The following KHDRBS2 variants were observed in gnomAD, a reference collection of about 807,000 sequenced individuals.
KHDRBS2 encodes the protein KH RNA binding domain containing, signal transduction associated 2.
KHDRBS2 carries 26 observed loss-of-function variants against 44.3 expected under a neutral mutation model. The ratio of observed to expected loss-of-function variants is 0.59; its 90% CI spans 0.43 to 0.81. The LOEUF (loss-of-function observed/expected upper bound fraction) is 0.81, where lower values mean the gene tolerates loss of function less well. KHDRBS2 is among the 40% of genes least tolerant of loss of function. The pLI, the probability that KHDRBS2 is intolerant of heterozygous loss-of-function variation, is 0.00. For synonymous variants in KHDRBS2, 194 were observed against 151.1 expected (o/e 1.28, Z -2.08); for missense variants, 476 against 433.1 (o/e 1.10, Z -0.88).
intron 2 of KHDRBS2, among the ~76,000 whole-genome samples, chr6:62,104,342 G>A (rs1802633248): frequency 6.6e-6 from 1 of 151,606 alleles, no homozygotes; most frequent in African/African-American, 2.4e-5. Context: ...TGCACATTGT[G>A]CAGGTTAGTT....
intron 2 of KHDRBS2, among the ~76,000 whole-genome samples, chr6:62,157,618 G>A (rs1410851026): frequency 6.6e-6 from 1 of 151,858 alleles, no homozygotes; most frequent in African/African-American, 2.4e-5. Context: ...ATGAGTCAGA[G>A]GTCTAATACA....
chr6:61,543,847 G>T, the KHDRBS2 span, among the ~76,000 whole-genome samples: 17 of 152,126 alleles, frequency 1.1e-4, no homozygotes, highest in South Asian at 3.5e-3. Flanking sequence ...GATATGCCAG[G>T]CACAGAAACA....
At chr6:61,923,336 T>A (rs1240668809) in intron 4 of KHDRBS2, among the ~76,000 whole-genome samples, 4 of 151,910 alleles carry the variant, frequency 2.6e-5, no homozygotes, top group African/African-American at 4.8e-5. Context: ...AGTATAGTAA[T>A]GGACTATTAT....
intron 6 of KHDRBS2, among the ~76,000 whole-genome samples, chr6:61,871,814 T>C (rs1347651803): frequency 2.0e-5 from 3 of 152,174 alleles, no homozygotes; most frequent in Admixed American, 2.0e-4. Context: ...AGGAGAGATT[T>C]TGTCACCACC....
At chr6:61,822,678 A>T (rs1309035057) in intron 6 of KHDRBS2, among the ~76,000 whole-genome samples, 1 of 151,914 alleles carries the variant, frequency 6.6e-6, no homozygotes, top group Non-Finnish European at 1.5e-5. Flanking sequence ...CAGCTAACCT[A>T]TTTCTATTCC....
chr6:62,173,414 A>T (rs1198789569), intron 2 of KHDRBS2, among the ~76,000 whole-genome samples: 2 of 152,088 alleles, frequency 1.3e-5, no homozygotes, highest in African/African-American at 4.8e-5. Flanking sequence ...AAACAGACCA[A>T]TAATGAGTTC....
At chr6:62,175,882 T>A (rs1198967299) in intron 2 of KHDRBS2, among the ~76,000 whole-genome samples, 7 of 151,456 alleles carry the variant, frequency 4.6e-5, no homozygotes, top group Non-Finnish European at 1.0e-4. Context: ...CTTGCCAGCT[T>A]AATTTGATCA....
intron 1 of KHDRBS2, among the ~76,000 whole-genome samples, chr6:62,223,251 C>T (rs1831196105): frequency 6.6e-6 from 1 of 152,226 alleles, no homozygotes; most frequent in Non-Finnish European, 1.5e-5. Flanking sequence ...TGGAGGCTGC[C>T]AGTGCTTGGG....
the KHDRBS2 span, among the ~76,000 whole-genome samples, chr6:61,642,556 G>A: frequency 5.3e-5 from 8 of 151,594 alleles, no homozygotes; most frequent in East Asian, 1.6e-3. Context: ...CAGCTACTGG[G>A]GAGGCTGAGG....
At chr6:62,235,138 A>C (rs187554660) in intron 1 of KHDRBS2, among the ~76,000 whole-genome samples, 1,903 of 138,844 alleles carry the variant, frequency 0.014, 17 homozygotes, top group Non-Finnish European at 0.019. Context: ...TACGTGATCC[A>C]TTTCTATTTT....
intron 6 of KHDRBS2, among the ~76,000 whole-genome samples, chr6:61,781,754 C>T (rs570687186): frequency 6.6e-6 from 1 of 152,266 alleles, no homozygotes; most frequent in South Asian, 2.1e-4. Flanking sequence ...CACTCCTTCC[C>T]TCCCGAAAAT....
At chr6:61,592,188 CAAAA>C in the KHDRBS2 span, among the ~76,000 whole-genome samples, 6 of 122,276 alleles carry the variant, frequency 4.9e-5, 1 homozygote, top group African/African-American at 1.2e-4. Flanking sequence ...AAGATCCCAC[CAAAA>C]AAAAAAAAAA....
chr6:62,125,938 G>A lies in KHDRBS2; in HGVS notation c.219+51247C>T, dbSNP rs373849182. ...TTCCAAGCTGTGGTGGCTACAGAGA[G>A]GGATTCCCGCTTGAGTAAAGGAGCG... On this transcript the variant is annotated intron_variant, in intron 2 of 8. Transcript: ENST00000281156. Among the ~76,000 whole-genome samples, 255 of 152,248 alleles carry A rather than the reference G, an allele frequency of 1.7e-3. 1 individual carries two copies. The highest frequency in any genetic ancestry group is 5.9e-3 in the African/African-American group (247 of 41,558).
At chr6:61,551,004 C>T in the KHDRBS2 span, among the ~76,000 whole-genome samples, 5 of 152,006 alleles carry the variant, frequency 3.3e-5, no homozygotes, top group African/African-American at 7.2e-5. Context: ...GAACTTCTGG[C>T]CTCGAGTGAT....
chr6:61,570,194 T>C, the KHDRBS2 span, among the ~76,000 whole-genome samples: 1 of 152,032 alleles, frequency 6.6e-6, no homozygotes, highest in Non-Finnish European at 1.5e-5. Flanking sequence ...AGGATATGGA[T>C]GAAAATTCTC....
intron 6 of KHDRBS2, among the ~76,000 whole-genome samples, chr6:61,750,141 T>G (rs1777453404): frequency 6.6e-6 from 1 of 152,166 alleles, no homozygotes; most frequent in Non-Finnish European, 1.5e-5. Context: ...GATAACATTC[T>G]TAACATGAGG....
intron 2 of KHDRBS2, among the ~76,000 whole-genome samples, chr6:62,089,699 G>T (rs1209433975): frequency 6.6e-6 from 1 of 152,120 alleles, no homozygotes; most frequent in Non-Finnish European, 1.5e-5. Flanking sequence ...ATCCTGGAAA[G>T]TTCTGTCTTT....
chr6:61,840,258 A>G (rs1793392740), intron 6 of KHDRBS2, among the ~76,000 whole-genome samples: 1 of 152,112 alleles, frequency 6.6e-6, no homozygotes, highest in East Asian at 1.9e-4. Flanking sequence ...CTTTTTTGAC[A>G]TCATTATAAA....
At chr6:62,281,745 G>A (rs1358953902) in intron 1 of KHDRBS2, among the ~76,000 whole-genome samples, 1 of 152,010 alleles carries the variant, frequency 6.6e-6, no homozygotes, top group Non-Finnish European at 1.5e-5. Flanking sequence ...CTGCCTGGTA[G>A]GTATCACTTT....
Sources: allele counts gnomAD v4.1 joint callset (sites outside exome capture counted in the v4.1 genomes callset), GRCh38; gene constraint gnomAD v4.1.1; transcripts MANE v1.5; gene names NCBI Gene and HGNC (gene_info 2026-07-23, HGNC 2026-07-21).